The following GRAMD1C variants were observed in gnomAD, a reference collection of about 807,000 sequenced individuals.
The protein encoded by GRAMD1C is GRAM domain containing 1C, also known as protein Aster-C.
Under a neutral mutation model 97.8 loss-of-function variants are expected in GRAMD1C, and 89 were observed. That is an observed-to-expected ratio of 0.91 (90% CI 0.77 to 1.09). The LOEUF is 1.09. Ranked by LOEUF, GRAMD1C falls within the 50% of genes least tolerant of loss-of-function variation. The pLI is 0.00. For missense variants in GRAMD1C, 740 were observed against 766.4 expected (o/e 0.97, Z 0.41); for synonymous variants, 256 against 267.0 (o/e 0.96, Z 0.40).
chr3:113,832,559 C>T (rs1463399151), intron 1 of GRAMD1C, among the ~76,000 whole-genome samples: 1 of 152,092 alleles, frequency 6.6e-6, no homozygotes, highest in Non-Finnish European at 1.5e-5. Context: ...TTTCTTCACC[C>T]CAAACTGAAA....
intron 1 of GRAMD1C, among the ~76,000 whole-genome samples, chr3:113,829,850 G>A (rs1490520138): frequency 1.3e-5 from 2 of 152,172 alleles, no homozygotes; most frequent in Non-Finnish European, 2.9e-5. Flanking sequence ...AGAGCCTACT[G>A]AGGTGATGTT....
rs1312063261 is a variant in GRAMD1C at position 113,901,043 on chromosome 3, C to G, written c.553C>G (p.Gln185Glu). The G allele has an allele frequency of 6.3e-7, 1 of 1,576,668 alleles. No homozygotes were observed. The highest frequency in any genetic ancestry group is 1.7e-4 in the Middle Eastern group (1 of 5,970). ...TCTGTCACTTTAGAGCCTGACTAGA[C>G]AGGAATTCTGGCAACTGCTCCAGCA... ...NVLLDKSLTR[Q>E]EFWQLLQQNY... The change falls in exon 7 of 18, where the codon CAG becomes GAG. Residue 185 changes from glutamine to glutamate, a missense_variant. Transcript: ENST00000358160.
At chr3:113,887,614 A>AGGAGAAT (rs993470094) in intron 6 of GRAMD1C, among the ~76,000 whole-genome samples, 2 of 67,938 alleles carry the variant, frequency 2.9e-5, no homozygotes, top group African/African-American at 4.7e-5. Context: ...GGCAGGAGAA[A>AGGAGAAT]GGAGAATGGC....
chr3:113,882,012 A>G (rs1158934680), intron 5 of GRAMD1C, among the ~76,000 whole-genome samples: 1 of 152,170 alleles, frequency 6.6e-6, no homozygotes, highest in Non-Finnish European at 1.5e-5. Flanking sequence ...TCTCCTTCCT[A>G]AGGATAACTG....
At chr3:113,928,488 A>C (rs570404937) in intron 10 of GRAMD1C, among the ~76,000 whole-genome samples, 1 of 152,310 alleles carries the variant, frequency 6.6e-6, no homozygotes, top group East Asian at 1.9e-4. Context: ...CATAAGATAA[A>C]ATTTACCATT....
chr3:113,850,332 C>T, intron 2 of GRAMD1C: 1 of 732,994 alleles, frequency 1.4e-6, no homozygotes, highest in Non-Finnish European at 2.5e-6. Context: ...TTGTTGGCAC[C>T]AGGGGGCACA....
At chr3:113,909,843 A>T (rs1936503439) in intron 9 of GRAMD1C, among the ~76,000 whole-genome samples, 1 of 152,196 alleles carries the variant, frequency 6.6e-6, no homozygotes, top group Non-Finnish European at 1.5e-5. Context: ...TCAGAACAAT[A>T]CTCAAATTTC....
intron 6 of GRAMD1C, among the ~76,000 whole-genome samples, chr3:113,892,639 G>A (rs950638887): frequency 2.6e-5 from 4 of 152,192 alleles, no homozygotes; most frequent in Middle Eastern, 3.4e-3. Flanking sequence ...AATTTATAGC[G>A]CTTCAGCTTA....
chr3:113,899,612 C>T (rs1936073459), intron 6 of GRAMD1C, among the ~76,000 whole-genome samples: 1 of 152,164 alleles, frequency 6.6e-6, no homozygotes, highest in South Asian at 2.1e-4. Context: ...ACAATTGCTT[C>T]AAGTGTTATG....
At chr3:113,865,707 T>C (rs1470149567) in intron 2 of GRAMD1C, among the ~76,000 whole-genome samples, 15 of 152,220 alleles carry the variant, frequency 9.9e-5, no homozygotes, top group South Asian at 4.1e-4. Context: ...TGTTTACATG[T>C]GTATTAGACC....
At position 113,873,818 on chromosome 3, in the gene GRAMD1C, C is replaced by T. The variant is rs570545228; in HGVS notation, c.260-1666C>T. Among the ~76,000 whole-genome samples, 98 of 152,184 alleles carry T rather than the reference C, an allele frequency of 6.4e-4. 3 individuals are homozygous for T. The South Asian group carries it at 0.019, about 29-fold the overall frequency. On this transcript the variant is annotated intron_variant, in intron 3 of 17. Coordinates refer to ENST00000358160, the MANE Select transcript of GRAMD1C (RefSeq NM_017577.5). Reference sequence around the variant, plus strand: ...GCAGGTGTGAGCCACCACACTCGGCCGCAATATGTGTTTTAGTAAGTCAGC... The same window carrying T: ...GCAGGTGTGAGCCACCACACTCGGCTGCAATATGTGTTTTAGTAAGTCAGC...
chr3:113,829,862 T>C (rs933543753), intron 1 of GRAMD1C, among the ~76,000 whole-genome samples: 9 of 152,140 alleles, frequency 5.9e-5, no homozygotes, highest in African/African-American at 2.2e-4. Flanking sequence ...GGTGATGTTG[T>C]TGTCTGGGGT....
At chr3:113,849,466 G>A (rs1332806881) in intron 2 of GRAMD1C, among the ~76,000 whole-genome samples, 1 of 151,674 alleles carries the variant, frequency 6.6e-6, no homozygotes, top group African/African-American at 2.4e-5. Flanking sequence ...TGTGTCCCTG[G>A]GTACTTGAGA....
intron 10 of GRAMD1C, among the ~76,000 whole-genome samples, chr3:113,918,269 G>A (rs1936911938): frequency 2.0e-5 from 3 of 151,984 alleles, no homozygotes; most frequent in Admixed American, 6.6e-5. Flanking sequence ...AATCTATTTT[G>A]TATTTACTTG....
chr3:113,910,438 A>C (rs1244681103), intron 9 of GRAMD1C, among the ~76,000 whole-genome samples: 1 of 152,216 alleles, frequency 6.6e-6, no homozygotes, highest in African/African-American at 2.4e-5. Context: ...GCAGAGATTA[A>C]GCTTAATCCT....
Position 113,893,809 on chromosome 3 carries a change from T to G in GRAMD1C, c.541-7222T>G, listed in dbSNP as rs542578877. ...GTGTAACAGATGATCAATAAATACT[T>G]TTTGAATGACTCAATTTAGTAGAAC... On this transcript the variant is annotated intron_variant, in intron 6 of 17. Coordinates refer to ENST00000358160, the MANE Select transcript of GRAMD1C (RefSeq NM_017577.5). Among the ~76,000 whole-genome samples the G allele has an allele frequency of 2.6e-5, 4 of 152,338 alleles. No individual in the cohort carries two copies. The South Asian group carries it at 8.3e-4, about 32-fold the overall frequency.
rs893225295 is a variant in GRAMD1C at position 113,939,613 on chromosome 3, A to G, written c.1692-273A>G. 6 of 281,918 alleles carry G rather than the reference A, an allele frequency of 2.1e-5. No homozygotes were observed. In the East Asian group the frequency reaches 4.6e-4, roughly 22 times the overall value. The allele number at this position is 281,918 out of a possible 1,614,324, so 17.5% of individuals were successfully genotyped here. On this transcript the variant is annotated intron_variant, in intron 15 of 17. Transcript: ENST00000358160. Reference sequence around the variant, plus strand: ...CTGACTAGTATTCCTAGCAGAGGGGAGAGATGTCACAGATACCCCAAACCT... The same window carrying G: ...CTGACTAGTATTCCTAGCAGAGGGGGGAGATGTCACAGATACCCCAAACCT...
At chr3:113,935,445 C>T (rs552235410) in intron 13 of GRAMD1C, among the ~76,000 whole-genome samples, 2 of 151,720 alleles carry the variant, frequency 1.3e-5, no homozygotes, top group South Asian at 2.1e-4. Flanking sequence ...GAAAACGATA[C>T]GGTGGTTCTC....
At chr3:113,896,373 T>C (rs992452110) in intron 6 of GRAMD1C, among the ~76,000 whole-genome samples, 5 of 152,222 alleles carry the variant, frequency 3.3e-5, no homozygotes, top group African/African-American at 1.2e-4. Flanking sequence ...TGGCCACTCC[T>C]CTATTTTCTC....
Sources: allele counts gnomAD v4.1 joint callset (sites outside exome capture counted in the v4.1 genomes callset), GRCh38; gene constraint gnomAD v4.1.1; transcripts MANE v1.5; gene names NCBI Gene and HGNC (gene_info 2026-07-23, HGNC 2026-07-21).